The following XKR6 variants were observed in gnomAD, a reference collection of about 807,000 sequenced individuals.
The protein encoded by XKR6 is XK related 6, also known as XK-related protein 6.
Under a neutral mutation model 56.7 loss-of-function variants are expected in XKR6, and 22 were observed. The observed-to-expected ratio is 0.39, with a 90% CI of 0.28 to 0.55. The LOEUF is 0.55. Ranked by LOEUF, XKR6 falls within the 20% of genes least tolerant of loss-of-function variation. The pLI is 0.66. For synonymous variants in XKR6, 524 were observed against 387.8 expected (o/e 1.35, Z -4.13); for missense variants, 852 against 889.0 (o/e 0.96, Z 0.53).
At chr8:11,047,872 G>A (rs907548805) in intron 1 of XKR6, among the ~76,000 whole-genome samples, 9 of 152,326 alleles carry the variant, frequency 5.9e-5, no homozygotes, top group African/African-American at 2.2e-4. Context: ...AGGCTCAGTG[G>A]ATGACACTTC....
At chr8:11,182,124 GGTTTT>G (rs1803019682) in intron 1 of XKR6, among the ~76,000 whole-genome samples, 1 of 152,152 alleles carries the variant, frequency 6.6e-6, no homozygotes, top group South Asian at 2.1e-4. Flanking sequence ...TACAGTATAG[GGTTTT>G]AGAGTAAATA....
intron 1 of XKR6, among the ~76,000 whole-genome samples, chr8:11,008,376 C>T (rs1378631610): frequency 2.0e-5 from 3 of 150,864 alleles, no homozygotes; most frequent in African/African-American, 4.9e-5. Flanking sequence ...TTGTTCCCCT[C>T]TTCCTCAGGC....
intron 1 of XKR6, among the ~76,000 whole-genome samples, chr8:11,086,153 T>A (rs1797882622): frequency 6.7e-6 from 1 of 149,144 alleles, no homozygotes; most frequent in African/African-American, 2.5e-5. Context: ...TATATATTTT[T>A]TTTTAAAAAA....
At chr8:11,010,934 C>G in intron 1 of XKR6, among the ~76,000 whole-genome samples, 1 of 152,216 alleles carries the variant, frequency 6.6e-6, no homozygotes, top group East Asian at 1.9e-4. Flanking sequence ...CTGGTTATGT[C>G]AACTGTGCCC....
chr8:11,097,869 TAC>T (rs1442328386), intron 1 of XKR6, among the ~76,000 whole-genome samples: 3 of 101,068 alleles, frequency 3.0e-5, no homozygotes, highest in African/African-American at 6.2e-5. Flanking sequence ...TCGTAAATTC[TAC>T]AGTTTTTTTT....
At position 11,137,462 on chromosome 8, in the gene XKR6, C is replaced by T. The variant is rs556095390; in HGVS notation, c.764+63114G>A. 1.3e-4 allele frequency: 57 copies of T among 422,676 alleles called. 1 individual carries two copies. Among genetic ancestry groups the T allele is most frequent in the South Asian group, 7.3e-4 (42 of 57,736 alleles). The allele number at this position is 422,676 out of a possible 1,614,324, so 26.2% of individuals were successfully genotyped here. A position where few individuals can be genotyped will look rare whatever the true frequency, so the allele number is the denominator to read the frequency against. On this transcript the variant is annotated intron_variant, in intron 1 of 2. Coordinates refer to ENST00000416569, the MANE Select transcript of XKR6 (RefSeq NM_173683.4). ...GTGGACAGTCCCTTACATCTTCAGC[C>T]GACACGGAAGTCTTATCTGAGAATA...
At chr8:11,182,082 T>G (rs1395066804) in intron 1 of XKR6, among the ~76,000 whole-genome samples, 1 of 152,194 alleles carries the variant, frequency 6.6e-6, no homozygotes, top group African/African-American at 2.4e-5. Flanking sequence ...CCCAGTTTGT[T>G]CCTCATCTTT....
intron 1 of XKR6, among the ~76,000 whole-genome samples, chr8:10,949,879 A>C (rs1450765738): frequency 6.6e-6 from 1 of 152,140 alleles, no homozygotes; most frequent in African/African-American, 2.4e-5. Context: ...CCACTTCCAC[A>C]GGCCAGGAGT....
At chr8:10,971,376 G>A (rs973752359) in intron 1 of XKR6, among the ~76,000 whole-genome samples, 4 of 151,920 alleles carry the variant, frequency 2.6e-5, no homozygotes, top group Non-Finnish European at 5.9e-5. Context: ...AGCCAAGATC[G>A]CACCACTGCA....
At chr8:11,078,577 G>C (rs969346885) in intron 1 of XKR6, among the ~76,000 whole-genome samples, 1 of 152,184 alleles carries the variant, frequency 6.6e-6, no homozygotes, top group African/African-American at 2.4e-5. Context: ...AAGTGCAATG[G>C]GGTGTGAGAG....
At chr8:11,142,903 C>T (rs28887839) in intron 1 of XKR6, among the ~76,000 whole-genome samples, 71,124 of 151,952 alleles carry the variant, frequency 0.47, 19,938 homozygotes, top group African/African-American at 0.77. Flanking sequence ...GAGATCACAA[C>T]GATTTTTTTA....
chr8:10,978,229 G>A (rs1454564968), intron 1 of XKR6, among the ~76,000 whole-genome samples: 1 of 152,190 alleles, frequency 6.6e-6, no homozygotes, highest in African/African-American at 2.4e-5. Context: ...TTTATTGCCT[G>A]ATATGCATAT....
At chr8:10,910,492 G>C (rs1307626019) in intron 2 of XKR6, among the ~76,000 whole-genome samples, 2 of 152,142 alleles carry the variant, frequency 1.3e-5, no homozygotes, top group Non-Finnish European at 2.9e-5. Context: ...TAAAGAAAGA[G>C]CCACCACCGC....
intron 1 of XKR6, among the ~76,000 whole-genome samples, chr8:10,939,059 C>T (rs1198520275): frequency 6.6e-6 from 1 of 151,892 alleles, no homozygotes. Context: ...CTGCTTCTCC[C>T]AGGACCTGCT....
At chr8:11,093,849 T>C (rs1441357205) in intron 1 of XKR6, among the ~76,000 whole-genome samples, 1 of 152,090 alleles carries the variant, frequency 6.6e-6, no homozygotes, top group African/African-American at 2.4e-5. Context: ...AGTGGCGTGA[T>C]CTCGGCTCAC....
chr8:11,162,599 A>G (rs576229026), intron 1 of XKR6, among the ~76,000 whole-genome samples: 66 of 152,378 alleles, frequency 4.3e-4, no homozygotes, highest in Non-Finnish European at 7.9e-4. Context: ...ATTACAAAAC[A>G]TATTTCCTTC....
chr8:11,045,887 T>C (rs150207567), intron 1 of XKR6, among the ~76,000 whole-genome samples: 120 of 152,284 alleles, frequency 7.9e-4, no homozygotes, highest in Non-Finnish European at 1.4e-3. Context: ...AAAGAGACAA[T>C]AGCCACAGCC....
rs147863593 is a variant in XKR6 at position 11,153,510 on chromosome 8, G to A, written c.764+47066C>T. Reference sequence around the variant, plus strand: ...TAAAAGTAATAACATCATATAAACCGGTCTTTTGCTCATTTGAACTCCTGA... The same window carrying A: ...TAAAAGTAATAACATCATATAAACCAGTCTTTTGCTCATTTGAACTCCTGA... On this transcript the variant is annotated intron_variant, in intron 1 of 2. Coordinates refer to ENST00000416569, the MANE Select transcript of XKR6 (RefSeq NM_173683.4). 1.9e-3 allele frequency among the ~76,000 whole-genome samples: 292 copies of A among 152,132 alleles called. 4 individuals carry two copies. The highest frequency in any genetic ancestry group is 0.014 in the Admixed American group (217 of 15,272).
In XKR6 at chr8:10,942,299, C is replaced by G. The variant is rs138516901; in HGVS notation, c.765-17469G>C. Among the ~76,000 whole-genome samples, 365 of 152,364 alleles carry G rather than the reference C, an allele frequency of 2.4e-3. 1 individual carries two copies. The highest frequency in any genetic ancestry group is 8.5e-3 in the African/African-American group (354 of 41,586). ...GGTGCATTGTGTCTGACAGAGCACA[C>G]ACGCATGCAAACTACCAAATATCCA... On this transcript the variant is annotated intron_variant, in intron 1 of 2. Coordinates refer to ENST00000416569, the MANE Select transcript of XKR6 (RefSeq NM_173683.4).
Sources: gnomAD v4.1 joint callset for allele counts (sites outside exome capture counted in the v4.1 genomes callset) on GRCh38, gnomAD v4.1.1 for gene constraint, MANE v1.5 for transcripts, NCBI Gene and HGNC (gene_info 2026-07-23, HGNC 2026-07-21) for gene names.